GCKR: variants seen among roughly 807,000 people sequenced by gnomAD.
GCKR encodes glucokinase regulator.
GCKR carries 73 observed loss-of-function variants against 82.9 expected under a neutral mutation model. That is an observed-to-expected ratio of 0.88 (90% confidence interval 0.73 to 1.07). GCKR has a LOEUF of 1.07. Ranked by LOEUF, GCKR falls within the 50% of genes least tolerant of loss-of-function variation. The pLI, the probability that GCKR is intolerant of heterozygous loss-of-function variation, is 0.00. For synonymous variants in GCKR, 294 were observed against 291.8 expected, an observed-to-expected ratio of 1.01 and a Z score of -0.08; for missense variants, 784 against 782.1, an observed-to-expected ratio of 1.00 and a Z score of -0.03.
intron 16 of GCKR, among the ~76,000 whole-genome samples, chr2:27,516,838 G>A (rs932533636): frequency 1.3e-5 from 2 of 152,072 alleles, no homozygotes; most frequent in East Asian, 1.9e-4. Flanking sequence ...GTTTCATGCT[G>A]AAATTTCATG....
intron 16 of GCKR, among the ~76,000 whole-genome samples, chr2:27,517,924 C>A (rs1670049257): frequency 6.6e-6 from 1 of 152,222 alleles, no homozygotes; most frequent in Non-Finnish European, 1.5e-5. Context: ...ATCTCGTTAT[C>A]ATATGAGCTT....
Position 27,510,663 on chromosome 2 carries a change from C to T in GCKR, c.1422+2412C>T, listed in dbSNP as rs543660221. On this transcript the variant is annotated intron_variant, in intron 16 of 18. Coordinates refer to ENST00000264717, the MANE Select transcript of GCKR (RefSeq NM_001486.4). ...AAAAAATCTTTGCTAATCAGTAAAG[C>T]AACAAAAGGGCATTTTAGTGTTATT... Among the ~76,000 whole-genome samples the T allele has an allele frequency of 2.6e-5, 4 of 152,230 alleles. No individual in the cohort carries two copies. The East Asian group carries it at 7.7e-4, about 29-fold the overall frequency.
rs747654974 is a variant in GCKR at position 27,497,279 on chromosome 2, G to T, written c.96G>T (p.Glu32Asp). The T allele has an allele frequency of 9.9e-6, 16 of 1,614,028 alleles. No individual in the cohort carries two copies. Among genetic ancestry groups the T allele is most frequent in the African/African-American group, 1.3e-5 (1 of 74,916 alleles). ...SGYEAAVPITEKSNPLTQDLD... is the reference protein window; with the variant it reads ...SGYEAAVPITDKSNPLTQDLD... ...ACGAGGCAGCTGTGCCAATCACGGA[G>T]AAGTCAAACCCACTGACCCAGGATC... The change falls in exon 2 of 19, where the codon GAG becomes GAT. Residue 32 changes from glutamate to aspartate, a missense_variant. Coordinates refer to ENST00000264717, the MANE Select transcript of GCKR (RefSeq NM_001486.4).
intron 16 of GCKR, among the ~76,000 whole-genome samples, chr2:27,508,462 A>G (rs1182587580): frequency 1.3e-5 from 2 of 152,178 alleles, no homozygotes; most frequent in Admixed American, 6.5e-5. Context: ...GGAATATGCA[A>G]AAAGTTGCGG....
intron 8 of GCKR, among the ~76,000 whole-genome samples, chr2:27,503,007 C>T (rs1316558173): frequency 2.0e-5 from 3 of 152,238 alleles, no homozygotes; most frequent in Non-Finnish European, 2.9e-5. Context: ...GAATGTTCAA[C>T]AACTGTGAGG....
rs774221343 is a variant in GCKR, at chr2:27,507,636, A to T, written c.1144-45A>T. 5.9e-6 allele frequency: 6 copies of T among 1,009,192 alleles called. No individual in the cohort carries two copies. The Admixed American group carries it at 8.4e-5, about 14-fold the overall frequency. The allele number at this position is 1,009,192 out of a possible 1,614,324, so 62.5% of individuals were successfully genotyped here. A position where few individuals can be genotyped will look rare whatever the true frequency, so the allele number is the denominator to read the frequency against. ...CCTTTAGTCCTCAAGTCTGTGCTTTAGAGTGTTTTCATGGGAGGGACCCTC... is the reference window on the plus strand; with the variant it reads ...CCTTTAGTCCTCAAGTCTGTGCTTTTGAGTGTTTTCATGGGAGGGACCCTC... On this transcript the variant is annotated intron_variant, in intron 13 of 18. Transcript: ENST00000264717.
chr2:27,497,564 ACT>A lies in GCKR; in HGVS notation c.222_223del (p.Tyr75GlnfsTer47), dbSNP rs1424669259. On this transcript the variant is annotated frameshift_variant, in exon 3 of 19. Transcript: ENST00000264717. LOFTEE classifies it high-confidence loss of function. ...EGQALSTYQR[L>X]YSESILTTMV... ...TCATTCCTGCATATTCCCTACAGAG[ACT>A]CTACAGCGAATCCATTCTGACCACC... The A allele has an allele frequency of 2.5e-6, 4 of 1,610,838 alleles. No individual in the cohort carries two copies. Among genetic ancestry groups the A allele is most frequent in the African/African-American group, 1.3e-5 (1 of 74,750 alleles).
At chr2:27,508,104 A>T (rs1322273048) in intron 15 of GCKR, 30 bp downstream of exon 15, 2 of 1,591,114 alleles carry the variant, frequency 1.3e-6, no homozygotes, top group Non-Finnish European at 1.7e-6. Context: ...AAAGGGACCC[A>T]GGTGGCAGTT....
intron 16 of GCKR, among the ~76,000 whole-genome samples, chr2:27,511,948 A>G (rs774722140): frequency 6.6e-5 from 10 of 152,002 alleles, no homozygotes; most frequent in African/African-American, 1.7e-4. Context: ...AATTATATGA[A>G]AGATAATTGG....
intron 11 of GCKR, 23 bp downstream of exon 11, chr2:27,506,602 G>A (rs1372085698): frequency 3.3e-6 from 5 of 1,507,396 alleles, no homozygotes; most frequent in Non-Finnish European, 9.2e-7. Context: ...GTGTTTAGAG[G>A]TGAGGATGTG....
At chr2:27,501,675 C>A in intron 8 of GCKR, 1 of 467,980 alleles carries the variant, frequency 2.1e-6, no homozygotes, top group Non-Finnish European at 4.4e-6. Flanking sequence ...TGCCCATTCT[C>A]TCTCATCATT....
In GCKR at chr2:27,515,010, C is replaced by T. The variant is rs184046989; in HGVS notation, c.1423-3778C>T. ...TATTGTTTTTTGAGATGGAGTCTTG[C>T]TCTGTCACCCAGGCTGGAGTGCAGT... On this transcript the variant is annotated intron_variant, in intron 16 of 18. Transcript: ENST00000264717. 5.0e-3 allele frequency among the ~76,000 whole-genome samples: 762 copies of T among 152,140 alleles called. 10 individuals carry two copies. Among genetic ancestry groups the T allele is most frequent in the African/African-American group, 0.018 (742 of 41,508 alleles).
chr2:27,516,221 T>G (rs1311499161), intron 16 of GCKR, among the ~76,000 whole-genome samples: 1 of 151,878 alleles, frequency 6.6e-6, no homozygotes, highest in East Asian at 1.9e-4. Context: ...TGGTACCATA[T>G]GTTTTAATTA....
At chr2:27,497,195 G>GA (rs1263763217) in intron 1 of GCKR, 49 bp from the exon 2 acceptor site, 1 of 1,610,166 alleles carries the variant, frequency 6.2e-7, no homozygotes, top group Non-Finnish European at 8.5e-7. Flanking sequence ...CAGCAGGCAT[G>GA]AATGAGGCTT....
intron 16 of GCKR, among the ~76,000 whole-genome samples, chr2:27,516,812 G>A (rs1274562379): frequency 6.6e-6 from 1 of 152,070 alleles, no homozygotes; most frequent in Non-Finnish European, 1.5e-5. Flanking sequence ...CATCAGTACT[G>A]CATACTTACT....
At chr2:27,498,485 T>A (rs1184255544) in intron 4 of GCKR, among the ~76,000 whole-genome samples, 162 bp downstream of exon 4, 4 of 152,082 alleles carry the variant, frequency 2.6e-5, no homozygotes, top group Admixed American at 2.6e-4. Flanking sequence ...CACCATGAAG[T>A]CCCATTTCTT....
At chr2:27,508,513 T>G (rs1356770299) in intron 16 of GCKR, among the ~76,000 whole-genome samples, 6 of 152,184 alleles carry the variant, frequency 3.9e-5, no homozygotes. Context: ...ATTTGTCCTT[T>G]GGGACAGGTT....
chr2:27,512,711 C>A (rs1298545814), intron 16 of GCKR, among the ~76,000 whole-genome samples: 1 of 152,070 alleles, frequency 6.6e-6, no homozygotes, highest in Non-Finnish European at 1.5e-5. Context: ...CAAATTTCCC[C>A]AAATATTCCT....
chr2:27,504,721 C>T (rs1389528284), intron 9 of GCKR, among the ~76,000 whole-genome samples: 1 of 152,134 alleles, frequency 6.6e-6, no homozygotes, highest in Non-Finnish European at 1.5e-5. Flanking sequence ...CACATCTGGA[C>T]TGCTGCAATC....
Sources: allele counts gnomAD v4.1 joint callset (sites outside exome capture counted in the v4.1 genomes callset), GRCh38; gene constraint gnomAD v4.1.1; transcripts MANE v1.5; gene names NCBI Gene and HGNC (gene_info 2026-07-23, HGNC 2026-07-21).